Variants in TEX9 observed in about 807,000 individuals in gnomAD.
TEX9 encodes the protein testis expressed 9.
A neutral mutation model predicts 59.6 loss-of-function variants in TEX9; 74 were observed. The observed-to-expected ratio is 1.24, with a 90% CI of 1.03 to 1.51. TEX9 has a LOEUF of 1.51. TEX9 is among the 40% of genes most tolerant of loss of function. The pLI is 0.00. For synonymous variants in TEX9, 186 were observed against 152.2 expected (o/e 1.22, Z -1.64); for missense variants, 522 against 447.8 (o/e 1.17, Z -1.49).
Position 56,266,797 on chromosome 15 carries a change from A to G in TEX9, c.-107+22519A>G, listed in dbSNP as rs1028355685. Among the ~76,000 whole-genome samples, 5 of 152,206 alleles carry G rather than the reference A, an allele frequency of 3.3e-5. No individual in the cohort carries two copies. In the East Asian group the frequency reaches 7.7e-4, roughly 23 times the overall value. On this transcript the variant is annotated intron_variant, in intron 1 of 5. Transcript: ENST00000560827. ...TGCTGCAATAAACATACGTGTGCAT[A>G]TGTCTTTATAGCAGCATGATTTATA...
chr15:56,253,832 A>G (rs2044084624), intron 1 of TEX9, among the ~76,000 whole-genome samples: 1 of 151,866 alleles, frequency 6.6e-6, no homozygotes, highest in African/African-American at 2.4e-5. Context: ...ATGAAAGAAC[A>G]TTAAAAAAAA....
Position 56,443,099 on chromosome 15 carries a change from T to C in TEX9, c.*30-2572T>C, listed in dbSNP as rs1567150809. On this transcript the variant is annotated intron_variant, in intron 12 of 12. Coordinates refer to ENST00000352903, the Ensembl canonical transcript of TEX9. ...GTCCTGAAGTTGACTTTGTCTCATATTAACGTAGCAACTCCAACCTACTTT... is the reference window on the plus strand; with the variant it reads ...GTCCTGAAGTTGACTTTGTCTCATACTAACGTAGCAACTCCAACCTACTTT... Among the ~76,000 whole-genome samples, 6 of 152,306 alleles carry C rather than the reference T, an allele frequency of 3.9e-5. 1 individual carries two copies. The South Asian group carries it at 1.0e-3, about 26-fold the overall frequency.
chr15:56,255,658 T>A (rs1458773097), intron 1 of TEX9, among the ~76,000 whole-genome samples: 2 of 152,004 alleles, frequency 1.3e-5, no homozygotes, highest in African/African-American at 4.8e-5. Context: ...AAAATAGAAT[T>A]CTGTAAGAAG....
At chr15:56,296,816 CT>C (rs1374395749) in intron 1 of TEX9, among the ~76,000 whole-genome samples, 4 of 152,084 alleles carry the variant, frequency 2.6e-5, no homozygotes, top group Admixed American at 1.3e-4. Context: ...AATTATTCTA[CT>C]TTTTTTTCTT....
chr15:56,281,049 G>A (rs1335586893), intron 1 of TEX9, among the ~76,000 whole-genome samples: 1 of 152,122 alleles, frequency 6.6e-6, no homozygotes, highest in African/African-American at 2.4e-5. Flanking sequence ...GGCATTGTCT[G>A]TGATAGAAAT....
At chr15:56,324,543 A>G (rs977296126) in intron 1 of TEX9, among the ~76,000 whole-genome samples, 2 of 152,348 alleles carry the variant, frequency 1.3e-5, no homozygotes, top group Middle Eastern at 3.4e-3. Flanking sequence ...ATTATTTTTC[A>G]TTGGTAAAAT....
At chr15:56,445,782 T>A (rs1039515073) in exon 13 of TEX9, 3 of 152,022 alleles carry the variant, frequency 2.0e-5, no homozygotes, top group African/African-American at 4.8e-5. Flanking sequence ...ATTTGGAAAA[T>A]AGCAGCAATT....
chr15:56,413,806 A>G (rs1372194736), intron 10 of TEX9, among the ~76,000 whole-genome samples: 2 of 151,826 alleles, frequency 1.3e-5, no homozygotes, highest in African/African-American at 4.9e-5. Flanking sequence ...AGTTAGTAAC[A>G]CTTAACAGGA....
chr15:56,322,855 CAT>C (rs2141706338), intron 1 of TEX9, among the ~76,000 whole-genome samples: 1 of 152,088 alleles, frequency 6.6e-6, no homozygotes, highest in East Asian at 1.9e-4. Flanking sequence ...AAAAATATCA[CAT>C]GTTGAAGACA....
At chr15:56,260,174 G>T (rs1416265239) in intron 1 of TEX9, among the ~76,000 whole-genome samples, 1 of 151,978 alleles carries the variant, frequency 6.6e-6, no homozygotes, top group African/African-American at 2.4e-5. Context: ...TTACAATCAT[G>T]TCATCTGAAA....
chr15:56,444,411 T>A (rs2050871677), intron 12 of TEX9: 2 of 1,563,092 alleles, frequency 1.3e-6, no homozygotes, highest in Non-Finnish European at 1.7e-6. Flanking sequence ...AAAGTAAACA[T>A]TTAGACATGT....
downstream of TEX9, among the ~76,000 whole-genome samples, chr15:56,446,583 CAGTT>C (rs146362248): frequency 0.044 from 6,653 of 152,046 alleles, 206 homozygotes; most frequent in Admixed American, 0.086. Context: ...AGTGAATAAT[CAGTT>C]AGAGACTATA....
intron 9 of TEX9, among the ~76,000 whole-genome samples, chr15:56,408,214 C>T (rs1351497841): frequency 6.6e-6 from 1 of 152,156 alleles, no homozygotes; most frequent in African/African-American, 2.4e-5. Flanking sequence ...CTTAGGCTTC[C>T]ATCTCTACCC....
intron 6 of TEX9, 34 bp from the exon 7 acceptor site, chr15:56,391,209 A>G (rs777014070): frequency 7.0e-7 from 1 of 1,435,328 alleles, no homozygotes; most frequent in Admixed American, 2.4e-5. Flanking sequence ...ATGTACGTAT[A>G]TACATACATA....
chr15:56,391,380 A>G (rs2048203003), exon 7 of TEX9: 2 of 1,563,282 alleles, frequency 1.3e-6, no homozygotes, highest in East Asian at 2.3e-5. Flanking sequence ...GAATATATAG[A>G]TGATATTTTT....
intron 1 of TEX9, among the ~76,000 whole-genome samples, chr15:56,264,205 T>TA (rs1197908015): frequency 2.0e-5 from 3 of 152,210 alleles, no homozygotes; most frequent in Non-Finnish European, 4.4e-5. Flanking sequence ...CAATAATGAA[T>TA]AAGGATTCCA....
intron 1 of TEX9, among the ~76,000 whole-genome samples, chr15:56,319,481 T>A (rs2045855090): frequency 1.3e-5 from 2 of 152,116 alleles, no homozygotes; most frequent in Admixed American, 1.3e-4. Context: ...GCAAAAATTT[T>A]AATCACACAT....
intron 10 of TEX9, among the ~76,000 whole-genome samples, chr15:56,422,405 T>C (rs1371760550): frequency 6.6e-6 from 1 of 151,850 alleles, no homozygotes; most frequent in East Asian, 1.9e-4. Flanking sequence ...ATGTTTTCTT[T>C]CCCTTCTTTT....
At position 56,394,843 on chromosome 15, in the gene TEX9, T is replaced by A; in HGVS notation, c.828+9T>A. On this transcript the variant is annotated intron_variant, in intron 9 of 12. Transcript: ENST00000352903. ...TGTCTTCAGTAGAAAGGGTAATTAT[T>A]TGGTATTTTTCCTAACTTAATGCCA... 3.1e-6 allele frequency: 5 copies of A among 1,600,966 alleles called. No homozygotes were observed. Among genetic ancestry groups the A allele is most frequent in the Non-Finnish European group, 4.3e-6 (5 of 1,176,038 alleles).
Sources: gnomAD v4.1 joint callset for allele counts (sites outside exome capture counted in the v4.1 genomes callset) on GRCh38, gnomAD v4.1.1 for gene constraint, MANE v1.5 for transcripts, NCBI Gene and HGNC (gene_info 2026-07-23, HGNC 2026-07-21) for gene names.